ELAVL4: variants seen among roughly 807,000 people sequenced by gnomAD.
ELAVL4 encodes the protein ELAV-like protein 4.
Under a neutral mutation model 35.6 loss-of-function variants are expected in ELAVL4, and 1 was observed. The observed-to-expected ratio is 0.03, with a 90% CI of 0.01 to 0.13. The LOEUF is 0.13. Ranked by LOEUF, ELAVL4 falls within the 10% of genes least tolerant of loss-of-function variation. ELAVL4 has a pLI of 1.00. For synonymous variants in ELAVL4, 156 were observed against 171.0 expected (o/e 0.91, Z 0.69); for missense variants, 267 against 464.9 (o/e 0.57, Z 3.91).
chr1:50,101,683 A>G (rs535236863), upstream of ELAVL4, among the ~76,000 whole-genome samples: 1 of 152,258 alleles, frequency 6.6e-6, no homozygotes, highest in African/African-American at 2.4e-5. Flanking sequence ...AGGCAGGAGG[A>G]TCTCTTGAGG....
At chr1:50,053,689 T>C (rs1417732469) in intron 1 of ELAVL4, among the ~76,000 whole-genome samples, 2 of 152,176 alleles carry the variant, frequency 1.3e-5, no homozygotes, top group East Asian at 3.8e-4. Flanking sequence ...CCTGGCCCAG[T>C]TGTAGCTGTT....
chr1:50,112,354 G>T (rs1667216730), intron 1 of ELAVL4, among the ~76,000 whole-genome samples: 1 of 151,924 alleles, frequency 6.6e-6, no homozygotes, highest in African/African-American at 2.4e-5. Context: ...TGTCATCTTG[G>T]CTTGGGTTGT....
chr1:50,082,654 T>C (rs1286427766), intron 1 of ELAVL4, among the ~76,000 whole-genome samples: 3 of 152,224 alleles, frequency 2.0e-5, no homozygotes, highest in Admixed American at 6.5e-5. Context: ...ATAGAAGTCA[T>C]GATTTTACCT....
chr1:50,116,005 T>C (rs1353969010), intron 1 of ELAVL4, among the ~76,000 whole-genome samples: 3 of 152,086 alleles, frequency 2.0e-5, no homozygotes, highest in Non-Finnish European at 4.4e-5. Context: ...GCTGGAACAT[T>C]CAAGTACATA....
intron 1 of ELAVL4, among the ~76,000 whole-genome samples, chr1:50,053,515 A>G (rs1663500982): frequency 6.6e-6 from 1 of 152,036 alleles, no homozygotes; most frequent in Non-Finnish European, 1.5e-5. Context: ...AGCCTAGCTA[A>G]TTTTTGCATT....
chr1:50,061,746 T>C (rs1177377591), intron 1 of ELAVL4, among the ~76,000 whole-genome samples: 1 of 152,196 alleles, frequency 6.6e-6, no homozygotes, highest in Non-Finnish European at 1.5e-5. Context: ...CCTGGCCATT[T>C]CTGCCCAGTG....
At chr1:50,104,188 C>G (rs1001149504), upstream of ELAVL4, among the ~76,000 whole-genome samples, 3 of 152,054 alleles carry the variant, frequency 2.0e-5, no homozygotes, top group Non-Finnish European at 2.9e-5. Flanking sequence ...CCCCAGTATC[C>G]CCTTTTACCC....
intron 1 of ELAVL4, among the ~76,000 whole-genome samples, chr1:50,064,724 A>G (rs1664176561): frequency 6.6e-6 from 1 of 152,302 alleles, no homozygotes; most frequent in South Asian, 2.1e-4. Context: ...TCCCATGTGA[A>G]GGCTTGCTGG....
intron 1 of ELAVL4, among the ~76,000 whole-genome samples, chr1:50,087,669 G>A (rs1270201488): frequency 6.6e-6 from 1 of 152,058 alleles, no homozygotes; most frequent in East Asian, 1.9e-4. Flanking sequence ...AGGCTTCTAG[G>A]GGGTAATTAA....
intron 1 of ELAVL4, among the ~76,000 whole-genome samples, chr1:50,119,036 A>AAAAG (rs531184149): frequency 0.12 from 14,706 of 127,068 alleles, 950 homozygotes; most frequent in South Asian, 0.14. Flanking sequence ...GAAAGAAAGA[A>AAAAG]AAAGAAAGAA....
At position 50,195,785 on chromosome 1, in the gene ELAVL4, A is replaced by G. The variant is rs1644018150; in HGVS notation, c.733A>G (p.Arg245Gly). ...GPLHHQAQRF[R>G]LDNLLNMAYG... is the part of the protein sequence containing the mutation. ...ACTTCACCACCAGGCTCAGAGGTTC[A>G]GGTAGGCATGCCCAAAGAGGAAGAA... is the stretch of plus-strand genomic sequence containing the variant. Residue 245 changes from arginine (R) to glycine (G), a missense_variant and splice_region_variant, in exon 5 of 7, where the codon AGG (arginine) becomes GGG (glycine). By Grantham distance (125) the Arg-to-Gly change is moderately radical (BLOSUM62 -2). Transcript: ENST00000371824. 6.2e-7 allele frequency: 1 copy of G among 1,613,994 alleles called. No homozygotes were observed. The highest frequency in any genetic ancestry group is 1.3e-5 in the African/African-American group (1 of 74,944).
At chr1:50,147,877 G>A (rs955401197) in intron 2 of ELAVL4, among the ~76,000 whole-genome samples, 1 of 152,164 alleles carries the variant, frequency 6.6e-6, no homozygotes, top group Admixed American at 6.6e-5. Context: ...TCCCTTAGAA[G>A]GTTCTGGCTT....
chr1:50,082,698 T>C (rs1394265808), intron 1 of ELAVL4, among the ~76,000 whole-genome samples: 2 of 152,226 alleles, frequency 1.3e-5, no homozygotes, highest in African/African-American at 4.8e-5. Context: ...GAGCACTCTT[T>C]TTAGAACTTA....
chr1:50,193,956 A>G (rs1212357821), intron 4 of ELAVL4, 38 bp downstream of exon 4: 2 of 1,608,626 alleles, frequency 1.2e-6, no homozygotes, highest in South Asian at 1.1e-5. Flanking sequence ...CTTGTATATC[A>G]ATGTCATCAG....
intron 1 of ELAVL4, among the ~76,000 whole-genome samples, chr1:50,050,837 CT>C (rs1481081879): frequency 1.3e-5 from 2 of 152,074 alleles, no homozygotes; most frequent in African/African-American, 2.4e-5. Flanking sequence ...ATCCCTTTTC[CT>C]GCTTTCAATA....
chr1:50,201,021 T>C lies in ELAVL4; in HGVS notation c.944T>C (p.Ile315Thr), dbSNP rs775408177. The C allele has an allele frequency of 1.2e-6, 2 of 1,613,948 alleles. No homozygotes were observed. The highest frequency in any genetic ancestry group is 1.3e-5 in the African/African-American group (1 of 74,896). ...GGAGCAGTGAACAACGTAAAGGTGATTCGTGACTTCAACACCAACAAGTGC... is the reference window on the plus strand; with the variant it reads ...GGAGCAGTGAACAACGTAAAGGTGACTCGTGACTTCAACACCAACAAGTGC... Reference protein sequence around the residue: ...PFGAVNNVKVIRDFNTNKCKG... With the variant: ...PFGAVNNVKVTRDFNTNKCKG... Residue 315 changes from isoleucine to threonine, a missense_variant, in exon 7 of 7, where the codon ATT becomes ACT. Ile to Thr is a moderately conservative substitution (Grantham distance 89). Transcript: ENST00000371824. This position sits in a 1 kb window ranked among gnomAD's most constrained non-coding sequence, Gnocchi z 4.3.
intron 1 of ELAVL4, among the ~76,000 whole-genome samples, chr1:50,093,554 G>T (rs937434233): frequency 2.0e-5 from 3 of 152,164 alleles, no homozygotes; most frequent in African/African-American, 7.2e-5. Context: ...TGCCATTACT[G>T]GTTTATGCCT....
intron 1 of ELAVL4, 28 bp downstream of exon 1, chr1:50,109,226 TG>T (rs1487461801): frequency 1.9e-6 from 3 of 1,610,944 alleles, no homozygotes. Flanking sequence ...TATAATCTGT[TG>T]TTTGTGTTGC....
At chr1:50,153,136 A>G (rs1675087311) in intron 2 of ELAVL4, among the ~76,000 whole-genome samples, 1 of 152,126 alleles carries the variant, frequency 6.6e-6, no homozygotes, top group Non-Finnish European at 1.5e-5. Flanking sequence ...CTACACATCT[A>G]CCTTGCTGTT....
Sources: gnomAD v4.1 joint callset for allele counts (sites outside exome capture counted in the v4.1 genomes callset) on GRCh38, gnomAD v4.1.1 for gene constraint, Gnocchi (gnomAD v3.1) non-coding constraint, MANE v1.5 for transcripts, NCBI Gene and HGNC (gene_info 2026-07-23, HGNC 2026-07-21) for gene names.